Variants in CENPI observed in about 807,000 individuals in gnomAD.
The protein encoded by CENPI is centromere protein I, also known as FSH primary response 1.
In CENPI, 4 loss-of-function variants were observed where a neutral mutation model predicts 60.4. The ratio of observed to expected loss-of-function variants is 0.07; its 90% CI spans 0.03 to 0.15. The LOEUF is 0.15. Among genes scored for constraint, CENPI ranks in the 10% least tolerant of loss-of-function variants. CENPI has a pLI of 1.00. For synonymous variants in CENPI, 157 were observed against 189.4 expected (o/e 0.83, Z 1.40); for missense variants, 444 against 534.5 (o/e 0.83, Z 1.67).
intron 2 of CENPI, 88 bp from the exon 3 acceptor site, chrX:101,100,970 A>G: frequency 1.7e-6 from 1 of 582,615 alleles, no homozygotes; most frequent in Non-Finnish European, 2.8e-6. Context: ...GCTATTGTAT[A>G]CTAAATACTG....
downstream of CENPI, among the ~76,000 whole-genome samples, chrX:101,167,771 G>C (rs181215196): frequency 1.4e-3 from 159 of 112,378 alleles, no homozygotes; most frequent in Non-Finnish European, 2.3e-3. Flanking sequence ...AATAATAGTG[G>C]AGGTCATAAC....
Position 101,148,059 on chromosome X carries a change from C to T in CENPI, c.1992C>T (p.Asp664=). 2 of 1,176,172 alleles carry T rather than the reference C, an allele frequency of 1.7e-6. No homozygotes were observed. Among genetic ancestry groups the T allele is most frequent in the Non-Finnish European group, 2.3e-6 (2 of 881,527 alleles). The stretch of plus-strand genomic sequence containing the variant: ...CCTTTGGGAAAGGAATATATATTGA[C>T]CCTGAAATCCTAGAAAAAACTGGAG... ...SKPFGKGIYI[D]PEILEKTGVA... is the part of the protein sequence containing the mutation. The change falls in exon 20 of 22, where the codon GAC becomes GAT. Residue 664 remains aspartate, a synonymous_variant. Coordinates refer to ENST00000682095, the MANE Select transcript of CENPI (RefSeq NM_001386188.2).
At chrX:101,130,911 G>A (rs1305874601) in intron 13 of CENPI, among the ~76,000 whole-genome samples, 1 of 111,815 alleles carries the variant, frequency 8.9e-6, no homozygotes, top group East Asian at 2.8e-4. Flanking sequence ...CACACATTAC[G>A]AGCTCCCAGC....
chrX:101,127,819 C>T lies in CENPI; in HGVS notation c.1074+154C>T, dbSNP rs528269936. On this transcript the variant is annotated intron_variant, in intron 11 of 21. Coordinates refer to ENST00000682095, the MANE Select transcript of CENPI (RefSeq NM_001386188.2). The stretch of plus-strand genomic sequence containing the variant: ...CATGGCTCACTGCTGCCTTGAACTC[C>T]TGGGCTTATGTGATCCTCCCACCTC... Among the ~76,000 whole-genome samples, 11 of 111,657 alleles carry T rather than the reference C, an allele frequency of 9.9e-5. No individual in the cohort carries two copies. In the South Asian group the frequency reaches 4.1e-3, roughly 42 times the overall value.
intron 16 of CENPI, among the ~76,000 whole-genome samples, chrX:101,144,591 C>T (rs1409155380): frequency 9.1e-6 from 1 of 109,347 alleles, no homozygotes; most frequent in Non-Finnish European, 1.9e-5. Context: ...CCATGTTGCC[C>T]AGAATGGTCT....
intron 12 of CENPI, among the ~76,000 whole-genome samples, chrX:101,129,624 C>G (rs773395064): frequency 9.0e-6 from 1 of 111,724 alleles, no homozygotes; most frequent in South Asian, 3.8e-4. Flanking sequence ...TTACATTATA[C>G]CCAGCATACT....
chrX:101,099,714 T>C (rs1022504973), intron 2 of CENPI: 8 of 110,032 alleles, frequency 7.3e-5, no homozygotes, highest in African/African-American at 2.3e-4. Flanking sequence ...AAAGTTACAA[T>C]GTAGCTTCCC....
Position 101,128,678 on chromosome X carries a change from A to G in CENPI, c.1075-38A>G, listed in dbSNP as rs1398919585. The G allele has an allele frequency of 4.2e-6, 5 of 1,187,850 alleles. No homozygotes were observed. The South Asian group carries it at 7.4e-5, about 18-fold the overall frequency. On this transcript the variant is annotated intron_variant, in intron 11 of 21. Transcript: ENST00000682095. ...ATGACGATTCCCTTATCCACTTTTCAGATACTTAACTGTTGATCGGTTGTT... is the reference window on the plus strand; with the variant it reads ...ATGACGATTCCCTTATCCACTTTTCGGATACTTAACTGTTGATCGGTTGTT...
chrX:101,125,460 G>A (rs2089725120), intron 8 of CENPI, among the ~76,000 whole-genome samples: 2 of 111,232 alleles, frequency 1.8e-5, no homozygotes, highest in Middle Eastern at 4.6e-3. Flanking sequence ...ACAGTGATGC[G>A]ATCTCAGCTC....
intron 8 of CENPI, among the ~76,000 whole-genome samples, chrX:101,123,313 C>G (rs2089699136): frequency 8.9e-6 from 1 of 111,776 alleles, no homozygotes; most frequent in Non-Finnish European, 1.9e-5. Context: ...ATGAAGGAAA[C>G]AAAACCACAA....
intron 21 of CENPI, among the ~76,000 whole-genome samples, chrX:101,161,853 A>AT (rs747541931): frequency 3.3e-4 from 37 of 112,270 alleles, no homozygotes; most frequent in Admixed American, 1.5e-3. Context: ...TAACAAAGCC[A>AT]TACATAGGCT....
Position 101,112,847 on chromosome X carries a change from C to T in CENPI, c.591+2849C>T, listed in dbSNP as rs193192223. Among the ~76,000 whole-genome samples the T allele has an allele frequency of 3.1e-3, 340 of 108,314 alleles. 1 individual carries two copies. Among genetic ancestry groups the T allele is most frequent in the African/African-American group, 0.011 (327 of 29,738 alleles). 94.1% of individuals were successfully genotyped at this position (108,314 alleles called of 115,157 possible). A position where few individuals can be genotyped will look rare whatever the true frequency, so the allele number is the denominator to read the frequency against. On this transcript the variant is annotated intron_variant, in intron 6 of 21. Transcript: ENST00000682095. Reference sequence around the variant, plus strand: ...CCTCTAATTTTTTTTTTTTTTGGGACGGAGTCTCACTCTGTTGCCGTGCCC... The same window carrying T: ...CCTCTAATTTTTTTTTTTTTTGGGATGGAGTCTCACTCTGTTGCCGTGCCC...
At chrX:101,158,272 C>CTTT (rs35564589) in intron 20 of CENPI, among the ~76,000 whole-genome samples, 61 of 65,851 alleles carry the variant, frequency 9.3e-4, no homozygotes, top group African/African-American at 2.0e-3. Flanking sequence ...GGCAGTATGG[C>CTTT]TTTTTTTTTT....
intron 20 of CENPI, among the ~76,000 whole-genome samples, chrX:101,152,507 C>T (rs895283858): frequency 2.7e-5 from 3 of 110,575 alleles, no homozygotes; most frequent in Non-Finnish European, 5.7e-5. Context: ...ACCTCTGCCT[C>T]CTGGGTTCAA....
chrX:101,101,783 A>G (rs201300889), intron 3 of CENPI, among the ~76,000 whole-genome samples: 1 of 112,664 alleles, frequency 8.9e-6, no homozygotes, highest in Non-Finnish European at 1.9e-5. Flanking sequence ...ATGTCAGGGC[A>G]TAATCCAGCT....
At position 101,127,588 on chromosome X, in the gene CENPI, C is replaced by G. The variant is rs2089749366; in HGVS notation, c.997C>G (p.Leu333Val). Reference sequence around the variant, plus strand: ...AAAAGAGATGAGTCTTTCTGATTGTCTGAATAGAAGTGGATCATTTCCACT... The same window carrying G: ...AAAAGAGATGAGTCTTTCTGATTGTGTGAATAGAAGTGGATCATTTCCACT... ...GKKEMSLSDC[L>V]NRSGSFPLEQ... The change falls in exon 11 of 22, where the codon CTG becomes GTG. Residue 333 changes from leucine to valine, a missense_variant. Transcript: ENST00000682095. 1 of 1,197,304 alleles carries G rather than the reference C, an allele frequency of 8.4e-7. No individual in the cohort carries two copies. Among genetic ancestry groups the G allele is most frequent in the African/African-American group, 1.8e-5 (1 of 56,979 alleles).
the CENPI span, among the ~76,000 whole-genome samples, chrX:101,178,689 G>A: frequency 9.0e-6 from 1 of 111,333 alleles, no homozygotes; most frequent in Admixed American, 9.5e-5. Context: ...GGGATTACAG[G>A]CGTGAGCCAC....
intron 20 of CENPI, among the ~76,000 whole-genome samples, chrX:101,149,760 G>T (rs1353138672): frequency 9.0e-6 from 1 of 110,830 alleles, no homozygotes; most frequent in Non-Finnish European, 1.9e-5. Flanking sequence ...GCCTGCCTCG[G>T]CCTCCCAAAG....
At chrX:101,121,528 A>G (rs994907112) in intron 8 of CENPI, among the ~76,000 whole-genome samples, 3 of 110,257 alleles carry the variant, frequency 2.7e-5, no homozygotes, top group Non-Finnish European at 5.7e-5. Flanking sequence ...ACCTCAGGTG[A>G]TCTGCCTGCC....
Sources: allele counts gnomAD v4.1 joint callset (sites outside exome capture counted in the v4.1 genomes callset), GRCh38; gene constraint gnomAD v4.1.1; transcripts MANE v1.5; gene names NCBI Gene and HGNC (gene_info 2026-07-23, HGNC 2026-07-21).